Variants in ASH1L observed in about 807,000 individuals in gnomAD.
ASH1L encodes the protein histone-lysine N-methyltransferase ASH1L.
ASH1L carries 23 observed loss-of-function variants against 269.0 expected under a neutral mutation model. The ratio of observed to expected loss-of-function variants is 0.09; its 90% CI spans 0.06 to 0.12. The LOEUF is 0.12. Ranked by LOEUF, ASH1L falls within the 10% of genes least tolerant of loss-of-function variation. The probability of loss-of-function intolerance (pLI) is 1.00; values close to 1 mark genes in which losing one functional copy is unlikely to be tolerated. For synonymous variants in ASH1L, 1,187 were observed against 1,253.5 expected (o/e 0.95, Z 1.12); for missense variants, 2,912 against 3,567.8 (o/e 0.82, Z 4.68).
intron 2 of ASH1L, 27 bp downstream of exon 2, chr1:155,521,073 C>G: frequency 6.4e-7 from 1 of 1,556,480 alleles, no homozygotes; most frequent in Non-Finnish European, 8.7e-7. Context: ...TTGTCAATAA[C>G]CACATATTGT....
At chr1:155,356,702 G>C (rs996681106) in intron 15 of ASH1L, among the ~76,000 whole-genome samples, 1 of 151,342 alleles carries the variant, frequency 6.6e-6, no homozygotes, top group South Asian at 2.1e-4. Context: ...AGATGGTCTT[G>C]AATTCCTGGG....
rs1665818268 is a variant in ASH1L at position 155,479,700 on chromosome 1, G to C, written c.3170C>G (p.Thr1057Ser). ...IGKRRGRKPK[T>S]VLNGILSGSP... ...ACCAGAAAGAATACCATTTAAGACAGTTTTTGGTTTGCGACCTCTTCTCTT... is the reference window on the plus strand; with the variant it reads ...ACCAGAAAGAATACCATTTAAGACACTTTTTGGTTTGCGACCTCTTCTCTT... Residue 1057 changes from threonine (T) to serine (S), a missense_variant, in exon 3 of 28, where the codon ACT (threonine) becomes AGT (serine). Thr to Ser is a moderately conservative substitution (Grantham distance 58). Transcript: ENST00000392403. The C allele has an allele frequency of 1.2e-6, 2 of 1,614,044 alleles. No individual in the cohort carries two copies. The highest frequency in any genetic ancestry group is 1.7e-5 in the Admixed American group (1 of 60,004).
chr1:155,362,662 T>A (rs899646167), intron 12 of ASH1L, among the ~76,000 whole-genome samples: 3 of 152,164 alleles, frequency 2.0e-5, no homozygotes, highest in Non-Finnish European at 4.4e-5. Context: ...GCCATACTGA[T>A]AACAAGTTAT....
chr1:155,439,847 A>G (rs1662402204), intron 4 of ASH1L, among the ~76,000 whole-genome samples: 1 of 151,580 alleles, frequency 6.6e-6, no homozygotes, highest in African/African-American at 2.4e-5. Context: ...ATATTCCTTT[A>G]TTAGCCTCAG....
At chr1:155,517,201 C>A (rs1237666559) in intron 2 of ASH1L, among the ~76,000 whole-genome samples, 1 of 152,168 alleles carries the variant, frequency 6.6e-6, no homozygotes, top group Non-Finnish European at 1.5e-5. Flanking sequence ...CAACTTACTA[C>A]AGGCCAGCCA....
chr1:155,386,314 T>G (rs752263518), intron 7 of ASH1L, among the ~76,000 whole-genome samples: 13 of 152,092 alleles, frequency 8.5e-5, no homozygotes, highest in Non-Finnish European at 1.5e-4. Flanking sequence ...GTGATCTGCC[T>G]GCCTTGGTCT....
intron 2 of ASH1L, among the ~76,000 whole-genome samples, chr1:155,504,525 T>C (rs950704155): frequency 2.6e-5 from 4 of 152,186 alleles, no homozygotes; most frequent in Non-Finnish European, 5.9e-5. Context: ...ATGCACATAT[T>C]TGTAAAATAA....
intron 16 of ASH1L, among the ~76,000 whole-genome samples, chr1:155,353,077 A>T (rs1281586947): frequency 6.6e-6 from 1 of 152,210 alleles, no homozygotes; most frequent in East Asian, 1.9e-4. Flanking sequence ...TTAGTGCTCA[A>T]ATGCAATACA....
rs1478912758 is a variant in ASH1L at position 155,480,993 on chromosome 1, C to T, written c.1877G>A (p.Cys626Tyr). 5.6e-6 allele frequency: 9 copies of T among 1,614,048 alleles called. No individual in the cohort carries two copies. Among genetic ancestry groups the T allele is most frequent in the Non-Finnish European group, 7.6e-6 (9 of 1,179,972 alleles). The change falls in exon 3 of 28, where the codon TGT becomes TAT. Residue 626 changes from cysteine (C) to tyrosine (Y), a missense_variant. Physicochemically the swap from Cys to Tyr is radical, Grantham distance 194 (BLOSUM62 -2). Transcript: ENST00000392403. The stretch of plus-strand genomic sequence containing the variant: ...ATTTACCTCTTTATCAATCCCTTTA[C>T]ATTCAATACTTATACTATGACCAAC... ...RSVGHSISIE[C>Y]KGIDKEVNDS...
chr1:155,496,830 A>C (rs1045118899), intron 2 of ASH1L, among the ~76,000 whole-genome samples: 1 of 150,956 alleles, frequency 6.6e-6, no homozygotes, highest in African/African-American at 2.4e-5. Flanking sequence ...TTTTGTAGAG[A>C]GGTGGGGGTC....
intron 12 of ASH1L, among the ~76,000 whole-genome samples, chr1:155,367,555 C>T (rs1655545261): frequency 6.6e-6 from 1 of 151,894 alleles, no homozygotes; most frequent in African/African-American, 2.4e-5. Flanking sequence ...AGTGGATATC[C>T]TTATTTATGT....
At chr1:155,489,685 G>GA (rs920357671) in intron 2 of ASH1L, among the ~76,000 whole-genome samples, 63 of 152,000 alleles carry the variant, frequency 4.1e-4, no homozygotes, top group African/African-American at 1.5e-3. Context: ...GTGAACCTGG[G>GA]AGGCGGAGCT....
chr1:155,454,645 A>G (rs1300040249), intron 4 of ASH1L, among the ~76,000 whole-genome samples: 2 of 152,076 alleles, frequency 1.3e-5, no homozygotes, highest in Non-Finnish European at 2.9e-5. Flanking sequence ...GCACATGCCT[A>G]TAATCCCAGC....
intron 3 of ASH1L, among the ~76,000 whole-genome samples, chr1:155,472,066 G>A (rs1162152271): frequency 2.0e-5 from 3 of 152,140 alleles, no homozygotes; most frequent in Admixed American, 6.5e-5. Flanking sequence ...TGAGACAGGT[G>A]GTTCTCTTGC....
intron 2 of ASH1L, among the ~76,000 whole-genome samples, chr1:155,518,810 G>A (rs1286626336): frequency 6.9e-6 from 1 of 144,448 alleles, no homozygotes; most frequent in Non-Finnish European, 1.5e-5. Context: ...GAGACGGGGA[G>A]AGGAAGGAAG....
chr1:155,518,688 G>A (rs1340049665), intron 2 of ASH1L, among the ~76,000 whole-genome samples: 1 of 149,898 alleles, frequency 6.7e-6, no homozygotes, highest in Non-Finnish European at 1.5e-5. Flanking sequence ...GAACGGGGGC[G>A]GTGGGGGGGC....
At chr1:155,444,144 T>C (rs780888529) in intron 4 of ASH1L, among the ~76,000 whole-genome samples, 9 of 151,910 alleles carry the variant, frequency 5.9e-5, no homozygotes, top group Non-Finnish European at 1.2e-4. Context: ...CCACCATGCC[T>C]GGCTAATTTT....
chr1:155,381,838 G>T (rs1004821545), intron 7 of ASH1L, among the ~76,000 whole-genome samples: 1 of 151,624 alleles, frequency 6.6e-6, no homozygotes, highest in East Asian at 1.9e-4. Flanking sequence ...AGTGTGTCAA[G>T]ATCACGTACT....
At chr1:155,344,839 C>G (rs1653111439) in intron 21 of ASH1L, among the ~76,000 whole-genome samples, 1 of 152,224 alleles carries the variant, frequency 6.6e-6, no homozygotes, top group Non-Finnish European at 1.5e-5. Flanking sequence ...TTTGCTGATT[C>G]TGAGTCCAGT....
Sources: gnomAD v4.1 joint callset for allele counts (sites outside exome capture counted in the v4.1 genomes callset) on GRCh38, gnomAD v4.1.1 for gene constraint, MANE v1.5 for transcripts, NCBI Gene and HGNC (gene_info 2026-07-23, HGNC 2026-07-21) for gene names.